The following PRKG2 variants were observed in gnomAD, a reference collection of about 807,000 sequenced individuals.
PRKG2 encodes the protein protein kinase cGMP-dependent 2.
In PRKG2, 33 loss-of-function variants were observed where a neutral mutation model predicts 97.2. The ratio of observed to expected loss-of-function variants is 0.34; its 90% confidence interval spans 0.26 to 0.45. The LOEUF (loss-of-function observed/expected upper bound fraction) is 0.45, where lower values mean the gene tolerates loss of function less well. Ranked by LOEUF, PRKG2 falls within the 20% of genes least tolerant of loss-of-function variation. The pLI is 1.00. For synonymous variants in PRKG2, 330 were observed against 321.8 expected (o/e 1.03, Z -0.27); for missense variants, 638 against 900.0 (o/e 0.71, Z 3.73).
intron 6 of PRKG2, among the ~76,000 whole-genome samples, chr4:81,160,802 AT>A (rs1749540594): frequency 2.6e-5 from 4 of 152,138 alleles, no homozygotes; most frequent in African/African-American, 7.2e-5. Flanking sequence ...TGATTAGAAA[AT>A]TCTTGAGGAG....
At chr4:81,123,605 C>T (rs982773294) in intron 14 of PRKG2, among the ~76,000 whole-genome samples, 1 of 152,160 alleles carries the variant, frequency 6.6e-6, no homozygotes, top group African/African-American at 2.4e-5. Flanking sequence ...GGGGTTTCAC[C>T]ATGTTAGACA....
intron 17 of PRKG2, among the ~76,000 whole-genome samples, chr4:81,096,118 G>A (rs901726015): frequency 2.6e-5 from 4 of 152,134 alleles, no homozygotes; most frequent in Non-Finnish European, 4.4e-5. Flanking sequence ...AGGTTGGAGA[G>A]GCTGTGGTAA....
chr4:81,112,595 C>T (rs1199129096), intron 14 of PRKG2, among the ~76,000 whole-genome samples: 1 of 152,118 alleles, frequency 6.6e-6, no homozygotes, highest in Admixed American at 6.6e-5. Flanking sequence ...GCTGGTTTAG[C>T]TTTTGTAATA....
intron 14 of PRKG2, among the ~76,000 whole-genome samples, chr4:81,125,995 T>G (rs897981112): frequency 9.2e-5 from 14 of 152,154 alleles, no homozygotes; most frequent in African/African-American, 3.4e-4. Flanking sequence ...GTCATCTACA[T>G]TAGGTATTTC....
chr4:81,091,898 A>G (rs968405842), intron 18 of PRKG2, among the ~76,000 whole-genome samples: 1 of 152,208 alleles, frequency 6.6e-6, no homozygotes, highest in African/African-American at 2.4e-5. Flanking sequence ...GATGTGCTGT[A>G]ACAGTAAAAT....
chr4:81,112,014 TA>T (rs902101295), intron 14 of PRKG2, among the ~76,000 whole-genome samples: 1 of 152,134 alleles, frequency 6.6e-6, no homozygotes, highest in Non-Finnish European at 1.5e-5. Context: ...AGCCCTCATC[TA>T]AAAAAAGTAT....
At chr4:81,187,303 A>T (rs978452716) in intron 2 of PRKG2, among the ~76,000 whole-genome samples, 4 of 152,220 alleles carry the variant, frequency 2.6e-5, no homozygotes, top group African/African-American at 9.7e-5. Context: ...CATCCTTGGG[A>T]TGCAAGGCTG....
chr4:81,183,776 A>T (rs1751633517), intron 2 of PRKG2, among the ~76,000 whole-genome samples: 1 of 152,082 alleles, frequency 6.6e-6, no homozygotes, highest in Non-Finnish European at 1.5e-5. Flanking sequence ...CAGCAGTCTG[A>T]AGTCAACCTG....
intron 2 of PRKG2, among the ~76,000 whole-genome samples, chr4:81,187,310 G>C (rs568151723): frequency 1.1e-4 from 16 of 152,164 alleles, no homozygotes; most frequent in Middle Eastern, 3.2e-3. Context: ...GGGATGCAAG[G>C]CTGGTTCAAC....
At chr4:81,156,839 T>A (rs1323480528) in intron 6 of PRKG2, among the ~76,000 whole-genome samples, 1 of 152,080 alleles carries the variant, frequency 6.6e-6, no homozygotes, top group Non-Finnish European at 1.5e-5. Flanking sequence ...ACTGGGTACA[T>A]AACGAAATGA....
intron 18 of PRKG2, among the ~76,000 whole-genome samples, chr4:81,092,067 A>C (rs554243847): frequency 2.8e-4 from 42 of 152,284 alleles, no homozygotes; most frequent in Middle Eastern, 3.4e-3. Flanking sequence ...CTATTAGAAA[A>C]TCTTAAGTTA....
chr4:81,155,898 C>G (rs1183550736), intron 6 of PRKG2, among the ~76,000 whole-genome samples: 1 of 151,952 alleles, frequency 6.6e-6, no homozygotes. Flanking sequence ...TCATCACCAC[C>G]AGGCCTGCCC....
intron 12 of PRKG2, among the ~76,000 whole-genome samples, chr4:81,139,585 G>A (rs1037870778): frequency 1.3e-5 from 2 of 151,064 alleles, no homozygotes; most frequent in Admixed American, 6.6e-5. Flanking sequence ...GGCTAACACG[G>A]TGAAACCCCG....
intron 1 of PRKG2, among the ~76,000 whole-genome samples, chr4:81,205,437 T>C (rs1753594474): frequency 6.6e-6 from 1 of 152,164 alleles, no homozygotes. Flanking sequence ...AAAATGCAAA[T>C]GAGCAGCTAC....
At chr4:81,104,875 A>G (rs1743173696) in intron 16 of PRKG2, among the ~76,000 whole-genome samples, 1 of 152,118 alleles carries the variant, frequency 6.6e-6, no homozygotes. Context: ...AAATAGGAAA[A>G]AAACAGCAAA....
Position 81,175,071 on chromosome 4 carries a change from T to C in PRKG2, c.462-112A>G, listed in dbSNP as rs181646400. On this transcript the variant is annotated intron_variant, in intron 2 of 18. Coordinates refer to ENST00000264399, the MANE Select transcript of PRKG2 (RefSeq NM_006259.3). ...TATTATCTACAAACTTATAACTTTC[T>C]AGCAAGAACAACCTTTTTCTAACCC... 457 of 1,062,814 alleles carry C rather than the reference T, an allele frequency of 4.3e-4. 6 individuals are homozygous for C. The East Asian group carries it at 0.012, about 28-fold the overall frequency. 65.8% of individuals were successfully genotyped at this position (1,062,814 alleles called of 1,614,324 possible).
intron 2 of PRKG2, among the ~76,000 whole-genome samples, chr4:81,198,467 T>C (rs552702588): frequency 6.6e-6 from 1 of 152,222 alleles, no homozygotes; most frequent in South Asian, 2.1e-4. Flanking sequence ...CTTCCTTTTT[T>C]TGGAGCTTAA....
intron 7 of PRKG2, 88 bp from the exon 8 acceptor site, chr4:81,152,142 C>CCTG: frequency 1.1e-6 from 1 of 942,708 alleles, no homozygotes; most frequent in South Asian, 1.6e-5. Flanking sequence ...CCCTCTAGAC[C>CCTG]TATATAAACT....
intron 1 of PRKG2, among the ~76,000 whole-genome samples, chr4:81,205,791 T>C (rs1402901098): frequency 1.3e-5 from 2 of 152,272 alleles, no homozygotes; most frequent in Admixed American, 1.3e-4. Context: ...CTCCTAACAT[T>C]GGTGTAGTGT....
Sources: allele counts gnomAD v4.1 joint callset (sites outside exome capture counted in the v4.1 genomes callset), GRCh38; gene constraint gnomAD v4.1.1; transcripts MANE v1.5; gene names NCBI Gene and HGNC (gene_info 2026-07-23, HGNC 2026-07-21).